The following KCND2 variants were observed in gnomAD, a reference collection of about 807,000 sequenced individuals.
KCND2 encodes A-type voltage-gated potassium channel KCND2.
Under a neutral mutation model 54.4 loss-of-function variants are expected in KCND2, and 16 were observed. The ratio of observed to expected loss-of-function variants is 0.29; its 90% CI spans 0.20 to 0.45. KCND2 has a LOEUF of 0.45. Among genes scored for constraint, KCND2 ranks in the 20% least tolerant of loss-of-function variants. KCND2 has a pLI of 1.00. For synonymous variants in KCND2, 317 were observed against 310.7 expected, an observed-to-expected ratio of 1.02 and a Z score of -0.21; for missense variants, 486 against 824.2, an observed-to-expected ratio of 0.59 and a Z score of 5.02.
chr7:120,554,478 A>G (rs1230073516), intron 1 of KCND2, among the ~76,000 whole-genome samples: 2 of 151,232 alleles, frequency 1.3e-5, no homozygotes, highest in African/African-American at 2.4e-5. Context: ...GCGCGATCTC[A>G]GCTCACTGCA....
intron 1 of KCND2, among the ~76,000 whole-genome samples, chr7:120,335,906 G>A (rs1039869058): frequency 6.6e-6 from 1 of 152,084 alleles, no homozygotes; most frequent in African/African-American, 2.4e-5. Flanking sequence ...TAATTACTAG[G>A]TTCTTTTAAA....
intron 1 of KCND2, among the ~76,000 whole-genome samples, chr7:120,651,258 C>T (rs1000968816): frequency 3.8e-5 from 5 of 130,516 alleles, no homozygotes; most frequent in African/African-American, 1.6e-4. Flanking sequence ...CTGTGGTGGG[C>T]TCCATCCAGT....
At chr7:120,445,107 A>G (rs61423147) in intron 1 of KCND2, among the ~76,000 whole-genome samples, 3,465 of 152,284 alleles carry the variant, frequency 0.023, 142 homozygotes, top group African/African-American at 0.079. Flanking sequence ...TCACTAAATA[A>G]AGGCAAGAAA....
intron 1 of KCND2, among the ~76,000 whole-genome samples, chr7:120,669,790 C>T (rs1316009714): frequency 1.3e-5 from 2 of 152,174 alleles, no homozygotes; most frequent in Admixed American, 6.5e-5. Context: ...TATGAGTCAA[C>T]CTTTTGCCAT....
intron 1 of KCND2, among the ~76,000 whole-genome samples, chr7:120,461,127 G>C (rs902288762): frequency 2.0e-5 from 3 of 152,034 alleles, no homozygotes; most frequent in South Asian, 4.1e-4. Context: ...TGCCTCCTTG[G>C]TTGCCACTGT....
In KCND2 at chr7:120,637,418, T is replaced by C. The variant is rs146685244; in HGVS notation, c.1116-95485T>C. 2.4e-3 allele frequency among the ~76,000 whole-genome samples: 373 copies of C among 152,258 alleles called. 1 individual carries two copies. The highest frequency in any genetic ancestry group is 8.3e-3 in the African/African-American group (347 of 41,574). Reference sequence around the variant, plus strand: ...GGAATTTAACCAGACTTAAAATAGATAATGGATTTTAAAATATTATTCAAA... The same window carrying C: ...GGAATTTAACCAGACTTAAAATAGACAATGGATTTTAAAATATTATTCAAA... On this transcript the variant is annotated intron_variant, in intron 1 of 5. Coordinates refer to ENST00000331113, the MANE Select transcript of KCND2 (RefSeq NM_012281.3).
chr7:120,553,636 A>G (rs1001389212), intron 1 of KCND2, among the ~76,000 whole-genome samples: 5 of 152,180 alleles, frequency 3.3e-5, no homozygotes, highest in Admixed American at 3.3e-4. Flanking sequence ...ATAAATTATC[A>G]TCTCCATCTA....
In KCND2 at chr7:120,726,591, C is replaced by T. The variant is rs80140528; in HGVS notation, c.1116-6312C>T. Reference sequence around the variant, plus strand: ...GGTCAATAATTTAAACGCACATAGACGTACACACATAATCAACTAACGGCT... The same window carrying T: ...GGTCAATAATTTAAACGCACATAGATGTACACACATAATCAACTAACGGCT... On this transcript the variant is annotated intron_variant, in intron 1 of 5. Coordinates refer to ENST00000331113, the MANE Select transcript of KCND2 (RefSeq NM_012281.3). 2.0e-3 allele frequency among the ~76,000 whole-genome samples: 301 copies of T among 152,280 alleles called. 2 individuals carry two copies. Among genetic ancestry groups the T allele is most frequent in the African/African-American group, 6.5e-3 (271 of 41,576 alleles).
At chr7:120,482,927 C>T (rs1236998547) in intron 1 of KCND2, among the ~76,000 whole-genome samples, 2 of 152,078 alleles carry the variant, frequency 1.3e-5, no homozygotes, top group African/African-American at 4.8e-5. Context: ...TTACTCATGA[C>T]CCTACTATTG....
At chr7:120,316,179 A>G (rs1230470476) in intron 1 of KCND2, among the ~76,000 whole-genome samples, 1 of 152,238 alleles carries the variant, frequency 6.6e-6, no homozygotes, top group Non-Finnish European at 1.5e-5. Context: ...ATACTCTTTT[A>G]CATTTGCCTT....
chr7:120,727,908 G>A (rs1242994444), intron 1 of KCND2, among the ~76,000 whole-genome samples: 2 of 152,084 alleles, frequency 1.3e-5, no homozygotes, highest in Admixed American at 6.6e-5. Context: ...GGCTGAGGAC[G>A]GTGGATCACA....
intron 1 of KCND2, among the ~76,000 whole-genome samples, chr7:120,666,066 G>T (rs900032162): frequency 6.6e-6 from 1 of 151,924 alleles, no homozygotes; most frequent in Non-Finnish European, 1.5e-5. Context: ...AAATTTAAAG[G>T]ACTTTATTTT....
intron 1 of KCND2, among the ~76,000 whole-genome samples, chr7:120,277,760 A>G (rs1799200036): frequency 6.6e-6 from 1 of 152,058 alleles, no homozygotes; most frequent in Non-Finnish European, 1.5e-5. Flanking sequence ...ATGAGACAAC[A>G]TTAAACATTA....
At chr7:120,662,245 G>A (rs999153132) in intron 1 of KCND2, among the ~76,000 whole-genome samples, 8 of 152,044 alleles carry the variant, frequency 5.3e-5, no homozygotes, top group African/African-American at 1.9e-4. Flanking sequence ...CAAAGAGAGG[G>A]CTGGTAAAAT....
intron 1 of KCND2, among the ~76,000 whole-genome samples, chr7:120,419,511 C>A (rs1053830553): frequency 6.6e-6 from 1 of 152,162 alleles, no homozygotes; most frequent in Non-Finnish European, 1.5e-5. Flanking sequence ...GACCAAGCAG[C>A]AGGATCCAAT....
chr7:120,442,194 A>G (rs896173236), intron 1 of KCND2, among the ~76,000 whole-genome samples: 2 of 152,134 alleles, frequency 1.3e-5, no homozygotes, highest in African/African-American at 4.8e-5. Flanking sequence ...TCCATTAACA[A>G]TTAAAGAACT....
Position 120,491,783 on chromosome 7 carries a change from T to G in KCND2, c.1115+216036T>G, listed in dbSNP as rs1802783575. 2.0e-5 allele frequency among the ~76,000 whole-genome samples: 3 copies of G among 152,260 alleles called. No homozygotes were observed. In the South Asian group the frequency reaches 6.2e-4, roughly 32 times the overall value. ...AATTTTAGAGGCGATTATGGGAAGT[T>G]TGAAAGTGTTACTACCTATTTATGT... On this transcript the variant is annotated intron_variant, in intron 1 of 5. Transcript: ENST00000331113.
At chr7:120,519,924 G>A (rs1245809255) in intron 1 of KCND2, among the ~76,000 whole-genome samples, 1 of 151,990 alleles carries the variant, frequency 6.6e-6, no homozygotes. Context: ...TTAATATTAA[G>A]ACATATAATG....
chr7:120,665,357 C>T lies in KCND2; in HGVS notation c.1116-67546C>T, dbSNP rs149287906. On this transcript the variant is annotated intron_variant, in intron 1 of 5. Coordinates refer to ENST00000331113, the MANE Select transcript of KCND2 (RefSeq NM_012281.3). ...TAAGTTGAATGTGACATATTTACCT[C>T]TCTCTTAGGCAACCTCTAAGCTTAA... Among the ~76,000 whole-genome samples the T allele has an allele frequency of 2.4e-3, 371 of 152,198 alleles. 1 individual carries two copies. The highest frequency in any genetic ancestry group is 8.3e-3 in the African/African-American group (345 of 41,542).
Sources: gnomAD v4.1 joint callset for allele counts (sites outside exome capture counted in the v4.1 genomes callset) on GRCh38, gnomAD v4.1.1 for gene constraint, MANE v1.5 for transcripts, NCBI Gene and HGNC (gene_info 2026-07-23, HGNC 2026-07-21) for gene names.